Variants in RBMS3 observed in about 807,000 individuals in gnomAD.
RBMS3 encodes RNA-binding motif, single-stranded-interacting protein 3.
Under a neutral mutation model 66.8 loss-of-function variants are expected in RBMS3, and 27 were observed. The ratio of observed to expected loss-of-function variants is 0.40; its 90% CI spans 0.30 to 0.56. RBMS3 has a LOEUF of 0.56. Among genes scored for constraint, RBMS3 ranks in the 20% least tolerant of loss-of-function variants. The pLI is 0.40. For synonymous variants in RBMS3, 188 were observed against 183.0 expected (o/e 1.03, Z -0.22); for missense variants, 513 against 549.5 (o/e 0.93, Z 0.66).
intron 6 of RBMS3, among the ~76,000 whole-genome samples, chr3:29,798,313 GGGGAA>G (rs2057275243): frequency 3.7e-5 from 3 of 80,898 alleles, no homozygotes; most frequent in Admixed American, 1.1e-4. Flanking sequence ...GGGGAAGGGA[GGGGAA>G]GGGAAGGGAG....
At chr3:29,398,772 A>G (rs945859996) in intron 1 of RBMS3, among the ~76,000 whole-genome samples, 1 of 152,176 alleles carries the variant, frequency 6.6e-6, no homozygotes, top group Non-Finnish European at 1.5e-5. Flanking sequence ...TTTACATGCC[A>G]TGAATAAAAC....
intron 1 of RBMS3, among the ~76,000 whole-genome samples, chr3:29,415,933 C>A (rs147859504): frequency 6.6e-6 from 1 of 151,982 alleles, no homozygotes; most frequent in African/African-American, 2.4e-5. Flanking sequence ...GCATGTAGAG[C>A]CATCAGGAAA....
At chr3:30,000,846 T>C (rs1699571443) in intron 14 of RBMS3, among the ~76,000 whole-genome samples, 1 of 151,680 alleles carries the variant, frequency 6.6e-6, no homozygotes, top group Admixed American at 6.6e-5. Flanking sequence ...AGTGAGAACA[T>C]GGACATCGGG....
chr3:29,318,390 G>C (rs2125484047), intron 1 of RBMS3, among the ~76,000 whole-genome samples: 1 of 151,964 alleles, frequency 6.6e-6, no homozygotes, highest in Admixed American at 6.6e-5. Context: ...CCTGGGTTCT[G>C]TGAGCAATAG....
At chr3:29,487,647 C>T (rs926835281) in intron 2 of RBMS3, among the ~76,000 whole-genome samples, 4 of 152,006 alleles carry the variant, frequency 2.6e-5, no homozygotes, top group South Asian at 2.1e-4. Flanking sequence ...TACTCTGTGT[C>T]GGCCACTGTC....
intron 3 of RBMS3, among the ~76,000 whole-genome samples, chr3:29,579,562 G>A (rs1576282966): frequency 6.6e-6 from 1 of 152,118 alleles, no homozygotes; most frequent in Non-Finnish European, 1.5e-5. Flanking sequence ...TTCAGTCATA[G>A]CCCACTTTTG....
At chr3:29,751,707 A>G (rs2055190845) in intron 5 of RBMS3, among the ~76,000 whole-genome samples, 1 of 152,214 alleles carries the variant, frequency 6.6e-6, no homozygotes. Flanking sequence ...TGTGAACTAA[A>G]AGGCACTTGA....
intron 7 of RBMS3, among the ~76,000 whole-genome samples, chr3:29,869,717 G>A (rs769135288): frequency 6.6e-6 from 1 of 152,032 alleles, no homozygotes; most frequent in Admixed American, 6.6e-5. Flanking sequence ...CTTCCATGAG[G>A]TCTTTTCATT....
intron 4 of RBMS3, among the ~76,000 whole-genome samples, chr3:29,702,811 G>A (rs971341706): frequency 6.6e-6 from 1 of 152,132 alleles, no homozygotes; most frequent in Non-Finnish European, 1.5e-5. Context: ...GAACACGTCC[G>A]AACGTCAGAA....
chr3:29,748,863 C>T (rs9856099), intron 5 of RBMS3, among the ~76,000 whole-genome samples: 7 of 151,926 alleles, frequency 4.6e-5, no homozygotes, highest in South Asian at 2.1e-4. Flanking sequence ...CTCAGGTGGG[C>T]GTGTGGGGAA....
At chr3:29,377,510 G>A (rs377367241) in intron 1 of RBMS3, among the ~76,000 whole-genome samples, 56 of 152,222 alleles carry the variant, frequency 3.7e-4, no homozygotes, top group Middle Eastern at 6.8e-3. Context: ...ACTCAGTTGC[G>A]TCCACTTTCT....
At chr3:29,559,579 A>C (rs2046478938) in intron 3 of RBMS3, among the ~76,000 whole-genome samples, 1 of 147,796 alleles carries the variant, frequency 6.8e-6, no homozygotes, top group Non-Finnish European at 1.5e-5. Context: ...TAGTACTTTA[A>C]AAGTTCTGAA....
intron 4 of RBMS3, among the ~76,000 whole-genome samples, chr3:29,648,287 C>A (rs868852075): frequency 3.7e-4 from 16 of 43,560 alleles, no homozygotes; most frequent in Middle Eastern, 0.022. Context: ...TTTTTTTTTG[C>A]GACAGGGTCT....
intron 1 of RBMS3, among the ~76,000 whole-genome samples, chr3:29,297,752 C>T (rs1311281481): frequency 6.6e-6 from 1 of 151,676 alleles, no homozygotes; most frequent in East Asian, 2.0e-4. Context: ...ACCTTTTGTC[C>T]CCTAGAGTAA....
chr3:29,923,074 A>G (rs2060835770), intron 10 of RBMS3, among the ~76,000 whole-genome samples: 1 of 152,178 alleles, frequency 6.6e-6, no homozygotes, highest in South Asian at 2.1e-4. Flanking sequence ...TAACTCGATG[A>G]CCTGTGAGGG....
At chr3:29,764,952 G>A (rs773361831) in intron 6 of RBMS3, among the ~76,000 whole-genome samples, 1 of 151,948 alleles carries the variant, frequency 6.6e-6, no homozygotes, top group Admixed American at 6.6e-5. Flanking sequence ...AAAACTCTTA[G>A]GAGAGACAAC....
At chr3:29,837,392 T>C (rs939933701) in intron 6 of RBMS3, among the ~76,000 whole-genome samples, 3 of 151,792 alleles carry the variant, frequency 2.0e-5, no homozygotes, top group Non-Finnish European at 4.4e-5. Context: ...CTTCACACTT[T>C]AGTTATAATT....
chr3:29,473,761 T>A (rs1478696675), intron 2 of RBMS3, among the ~76,000 whole-genome samples: 1 of 152,178 alleles, frequency 6.6e-6, no homozygotes, highest in Non-Finnish European at 1.5e-5. Context: ...AGCCGCTCAT[T>A]GCCCGGGGCC....
rs2035134291 is a variant in RBMS3 at position 29,323,583 on chromosome 3, A to C, written c.75+41827A>C. On this transcript the variant is annotated intron_variant, in intron 1 of 14. Transcript: ENST00000383767. ...AAATTAACAGTAGAAAGAAACAAAC[A>C]TCAGAAGCCATATGTAATATGTCTG... 3.9e-5 allele frequency among the ~76,000 whole-genome samples: 6 copies of C among 152,142 alleles called. No individual in the cohort carries two copies. The South Asian group carries it at 1.2e-3, about 32-fold the overall frequency.
Sources: allele counts gnomAD v4.1 joint callset (sites outside exome capture counted in the v4.1 genomes callset), GRCh38; gene constraint gnomAD v4.1.1; transcripts MANE v1.5; gene names NCBI Gene and HGNC (gene_info 2026-07-23, HGNC 2026-07-21).